Variants in RAD18 observed in about 807,000 individuals in gnomAD.
The protein encoded by RAD18 is E3 ubiquitin-protein ligase RAD18.
In RAD18, 47 loss-of-function variants were observed where a neutral mutation model predicts 60.4. The observed-to-expected ratio is 0.78, with a 90% CI of 0.62 to 0.99. RAD18 has a LOEUF of 0.99. Ranked by LOEUF, RAD18 falls within the 50% of genes least tolerant of loss-of-function variation. The pLI is 0.00. For missense variants in RAD18, 640 were observed against 593.3 expected, an observed-to-expected ratio of 1.08 and a Z score of -0.82; for synonymous variants, 225 against 195.5, an observed-to-expected ratio of 1.15 and a Z score of -1.26.
At chr3:8,938,000 C>T (rs1940682527) in intron 6 of RAD18, among the ~76,000 whole-genome samples, 1 of 152,062 alleles carries the variant, frequency 6.6e-6, no homozygotes, top group Non-Finnish European at 1.5e-5. Context: ...AAAGGGGAGT[C>T]CATGCAAGAT....
At chr3:8,910,063 T>A (rs1338547954) in intron 9 of RAD18, among the ~76,000 whole-genome samples, 1 of 152,078 alleles carries the variant, frequency 6.6e-6, no homozygotes, top group Non-Finnish European at 1.5e-5. Context: ...CCCAGAAAGT[T>A]GGTGACAAGA....
At chr3:8,957,330 T>C (rs1299913288) in intron 2 of RAD18, among the ~76,000 whole-genome samples, 1 of 152,074 alleles carries the variant, frequency 6.6e-6, no homozygotes, top group African/African-American at 2.4e-5. Flanking sequence ...GATTTTAAGT[T>C]ATACATGGAA....
In RAD18 at chr3:8,878,731, G is replaced by A. The variant is rs182520863; in HGVS notation, c.*2626C>T. 5.3e-5 allele frequency: 8 copies of A among 152,266 alleles called. No individual in the cohort carries two copies. Among genetic ancestry groups the A allele is most frequent in the Admixed American group, 2.6e-4 (4 of 15,296 alleles). 9.4% of individuals were successfully genotyped at this position (152,266 alleles called of 1,614,324 possible). A position where few individuals can be genotyped will look rare whatever the true frequency, so the allele number is the denominator to read the frequency against. Reference sequence around the variant, plus strand: ...AGACGAGAGTAGAGGATGAAAGGACGGCCTGGCATACTAGGCCATCTAAAG... The same window carrying A: ...AGACGAGAGTAGAGGATGAAAGGACAGCCTGGCATACTAGGCCATCTAAAG... On this transcript the variant is annotated 3_prime_UTR_variant, in exon 13 of 13. Transcript: ENST00000264926.
intron 4 of RAD18, 26 bp from the exon 5 acceptor site, chr3:8,941,830 C>A: frequency 6.5e-7 from 1 of 1,539,704 alleles, no homozygotes; most frequent in South Asian, 1.2e-5. Flanking sequence ...ACACAACAGA[C>A]AATTAAGAGA....
At position 8,923,275 on chromosome 3, in the gene RAD18, C is replaced by T. The variant is rs183437296; in HGVS notation, c.890-9555G>A. 1.9e-3 allele frequency among the ~76,000 whole-genome samples: 293 copies of T among 152,310 alleles called. 2 individuals carry two copies. The highest frequency in any genetic ancestry group is 6.3e-3 in the African/African-American group (262 of 41,556). Reference sequence around the variant, plus strand: ...AAAACTACGTGACGAATGCACAAGCCTCAGTAGCCGATTCGATCAATTGGA... The same window carrying T: ...AAAACTACGTGACGAATGCACAAGCTTCAGTAGCCGATTCGATCAATTGGA... On this transcript the variant is annotated intron_variant, in intron 7 of 12. Coordinates refer to ENST00000264926, the MANE Select transcript of RAD18 (RefSeq NM_020165.4).
Position 8,902,398 on chromosome 3 carries a change from G to A in RAD18, c.1150C>T (p.Leu384=). The change falls in exon 10 of 13, where the codon CTA becomes TTA. Residue 384 remains leucine (L), a synonymous_variant. Coordinates refer to ENST00000264926, the MANE Select transcript of RAD18 (RefSeq NM_020165.4). ...CTCTTACCCATGCATACAGAAGATA[G>A]CTTTTCTGTAGATTCATCTTCTTTT... ...ITKEDESTEK[L]SSVCMGQEDN... 2 of 1,601,400 alleles carry A rather than the reference G, an allele frequency of 1.2e-6. No individual in the cohort carries two copies. The highest frequency in any genetic ancestry group is 1.7e-6 in the Non-Finnish European group (2 of 1,173,688).
intron 4 of RAD18, among the ~76,000 whole-genome samples, chr3:8,946,100 A>G (rs943675212): frequency 1.3e-5 from 2 of 152,182 alleles, no homozygotes; most frequent in African/African-American, 4.8e-5. Context: ...TCACTCATTG[A>G]CTCATCAAGA....
chr3:8,889,377 T>G (rs1939641561), intron 12 of RAD18, among the ~76,000 whole-genome samples: 1 of 152,192 alleles, frequency 6.6e-6, no homozygotes, highest in Non-Finnish European at 1.5e-5. Context: ...TATATTTAAA[T>G]GAGATCACAC....
At chr3:8,910,092 A>G (rs13074257) in intron 9 of RAD18, among the ~76,000 whole-genome samples, 3,406 of 152,302 alleles carry the variant, frequency 0.022, 58 homozygotes, top group Non-Finnish European at 0.032. Flanking sequence ...AAGAGCAGCC[A>G]TGTATTAACA....
intron 7 of RAD18, among the ~76,000 whole-genome samples, chr3:8,927,537 T>G (rs1368026184): frequency 6.6e-6 from 1 of 152,222 alleles, no homozygotes; most frequent in African/African-American, 2.4e-5. Context: ...AAATACCATT[T>G]GACCCAGCCA....
chr3:8,950,828 A>T (rs1207873586), intron 2 of RAD18, among the ~76,000 whole-genome samples: 1 of 152,232 alleles, frequency 6.6e-6, no homozygotes, highest in African/African-American at 2.4e-5. Flanking sequence ...GGAAATTCTA[A>T]GGAAGAATCA....
chr3:8,929,961 A>G (rs1940521641), intron 7 of RAD18, among the ~76,000 whole-genome samples: 1 of 152,286 alleles, frequency 6.6e-6, no homozygotes, highest in Admixed American at 6.5e-5. Context: ...TGGAACTCTT[A>G]TACACTGCTA....
At chr3:8,936,287 G>A (rs1008337835) in intron 6 of RAD18, among the ~76,000 whole-genome samples, 3 of 152,144 alleles carry the variant, frequency 2.0e-5, no homozygotes, top group African/African-American at 7.2e-5. Context: ...CACCAGAAGT[G>A]AGAGACTTGG....
Position 8,902,435 on chromosome 3 carries a change from T to C in RAD18, c.1113A>G (p.Thr371=), listed in dbSNP as rs772823242. The change falls in exon 10 of 13, where the codon ACA becomes ACG. Residue 371 remains threonine, a synonymous_variant. Coordinates refer to ENST00000264926, the MANE Select transcript of RAD18 (RefSeq NM_020165.4). ...YKKIAGMSQK[T]VTITKEDEST... is the part of the protein sequence containing the mutation. ...ATTCATCTTCTTTTGTTATTGTTAC[T>C]GTTTTTTGTGACATTCCAGCAATTT... 2.4e-5 allele frequency: 38 copies of C among 1,610,522 alleles called. No homozygotes were observed. In the Middle Eastern group the frequency reaches 2.1e-3, roughly 91 times the overall value.
At position 8,879,401 on chromosome 3, in the gene RAD18, C is replaced by A. The variant is rs1303485409; in HGVS notation, c.*1956G>T. The A allele has an allele frequency of 1.3e-5, 2 of 152,218 alleles. No homozygotes were observed. The highest frequency in any genetic ancestry group is 2.9e-5 in the Non-Finnish European group (2 of 68,078). 9.4% of individuals were successfully genotyped at this position (152,218 alleles called of 1,614,324 possible). On this transcript the variant is annotated 3_prime_UTR_variant, in exon 13 of 13. Transcript: ENST00000264926. ...CCAGTCCTGCACAGTCATGTGCACA[C>A]AGAGAAAAGACCATGCAAGGACACC...
intron 2 of RAD18, 112 bp from the exon 3 acceptor site, chr3:8,948,682 C>A: frequency 3.6e-6 from 3 of 832,964 alleles, no homozygotes; most frequent in East Asian, 2.6e-5. Context: ...TAAGGTATAT[C>A]ATCATAAGCT....
chr3:8,906,186 A>C (rs1939998783), intron 9 of RAD18, among the ~76,000 whole-genome samples: 1 of 152,146 alleles, frequency 6.6e-6, no homozygotes, highest in South Asian at 2.1e-4. Context: ...CATTTTGTGA[A>C]GCTTTTGTTT....
chr3:8,955,020 A>G (rs1486769579), intron 2 of RAD18, among the ~76,000 whole-genome samples: 3 of 152,240 alleles, frequency 2.0e-5, no homozygotes, highest in Non-Finnish European at 4.4e-5. Context: ...AAAGAATGGC[A>G]TAAGTGACAG....
intron 7 of RAD18, among the ~76,000 whole-genome samples, chr3:8,923,076 C>T (rs542485132): frequency 2.0e-5 from 3 of 152,258 alleles, no homozygotes; most frequent in South Asian, 4.1e-4. Flanking sequence ...ATGACTTCGA[C>T]GAGTTGAGAG....
Sources: gnomAD v4.1 joint callset for allele counts (sites outside exome capture counted in the v4.1 genomes callset) on GRCh38, gnomAD v4.1.1 for gene constraint, MANE v1.5 for transcripts, NCBI Gene and HGNC (gene_info 2026-07-23, HGNC 2026-07-21) for gene names.